TNS3: variants seen among roughly 807,000 people sequenced by gnomAD.
The protein encoded by TNS3 is tensin-3.
A neutral mutation model predicts 140.9 loss-of-function variants in TNS3; 45 were observed. That is an observed-to-expected ratio of 0.32 (90% confidence interval 0.25 to 0.41). The LOEUF is 0.41. TNS3 is among the 10% of genes least tolerant of loss of function. TNS3 has a pLI of 1.00. For missense variants in TNS3, 1,716 were observed against 1,906.7 expected (o/e 0.90, Z 1.86); for synonymous variants, 815 against 788.4 (o/e 1.03, Z -0.56).
intron 1 of TNS3, among the ~76,000 whole-genome samples, chr7:47,558,196 A>C (rs1288371243): frequency 6.6e-6 from 1 of 152,184 alleles, no homozygotes; most frequent in Non-Finnish European, 1.5e-5. Context: ...TAGGTTCCCA[A>C]CATAAAAGGA....
intron 1 of TNS3, among the ~76,000 whole-genome samples, chr7:47,540,653 G>C (rs1799759352): frequency 6.6e-6 from 1 of 152,246 alleles, no homozygotes; most frequent in Non-Finnish European, 1.5e-5. Flanking sequence ...GGGGCACGGA[G>C]TCCACAGATC....
chr7:47,519,669 C>A (rs1485626610), intron 2 of TNS3, among the ~76,000 whole-genome samples: 1 of 152,184 alleles, frequency 6.6e-6, no homozygotes, highest in Admixed American at 6.5e-5. Flanking sequence ...CTCCTAGACC[C>A]ATGCTAGCCA....
Position 47,457,056 on chromosome 7 carries a change from T to G in TNS3, c.-75-15001A>C, listed in dbSNP as rs191229899. ...TCTTTATAAATGTCTTTTAAAATATTCAGTGTGGGCTCAATTCTTCCCATA... is the reference window on the plus strand; with the variant it reads ...TCTTTATAAATGTCTTTTAAAATATGCAGTGTGGGCTCAATTCTTCCCATA... On this transcript the variant is annotated intron_variant, in intron 4 of 30. Transcript: ENST00000311160. Among the ~76,000 whole-genome samples, 434 of 147,708 alleles carry G rather than the reference T, an allele frequency of 2.9e-3. 4 individuals carry two copies. Among genetic ancestry groups the G allele is most frequent in the Non-Finnish European group, 2.0e-3 (132 of 67,188 alleles).
chr7:47,368,746 T>G lies in TNS3; in HGVS notation c.1900A>C (p.Thr634Pro). 1 of 1,580,540 alleles carries G rather than the reference T, an allele frequency of 6.3e-7. No homozygotes were observed. The highest frequency in any genetic ancestry group is 1.2e-5 in the South Asian group (1 of 85,494). ...GCCACCCTACTGCTGGTCCCTCGGGTGGGGGTGAGTGGCACTCTGGGCTGG... is the reference window on the plus strand; with the variant it reads ...GCCACCCTACTGCTGGTCCCTCGGGGGGGGGTGAGTGGCACTCTGGGCTGG... ...QAQPRVPLTP[T>P]RGTSSRVAVQ... is the part of the protein sequence containing the mutation. Residue 634 changes from threonine to proline, a missense_variant, in exon 17 of 31, where the codon ACC (threonine) becomes CCC (proline). Physicochemically the swap from Thr to Pro is conservative, Grantham distance 38. Transcript: ENST00000311160.
chr7:47,478,076 G>A (rs149008969), intron 4 of TNS3, among the ~76,000 whole-genome samples: 80 of 152,288 alleles, frequency 5.3e-4, no homozygotes, highest in African/African-American at 1.8e-3. Flanking sequence ...ACCACCACAC[G>A]GGGAGAGCAG....
rs76325732 is a variant in TNS3, at chr7:47,306,922, A to G, written c.2651-1919T>C. 8.7e-3 allele frequency among the ~76,000 whole-genome samples: 1,318 copies of G among 152,350 alleles called. 19 individuals carry two copies. The highest frequency in any genetic ancestry group is 0.029 in the African/African-American group (1,197 of 41,566). The stretch of plus-strand genomic sequence containing the variant: ...ATCAGCACACAAAATGTCTGGAGTT[A>G]TGCCTAAATTAACAACTATCCTAAG... On this transcript the variant is annotated intron_variant, in intron 20 of 30. Transcript: ENST00000311160.
intron 28 of TNS3, 64 bp downstream of exon 28, chr7:47,283,631 AAG>A (rs1207862411): frequency 7.0e-7 from 1 of 1,429,854 alleles, no homozygotes; most frequent in Non-Finnish European, 9.3e-7. Flanking sequence ...CACACTAGGG[AAG>A]AACAAGAGGA....
In TNS3 at chr7:47,428,311, C is replaced by A; in HGVS notation, c.389+1G>T. The A allele has an allele frequency of 6.9e-7, 1 of 1,441,854 alleles. No individual in the cohort carries two copies. The highest frequency in any genetic ancestry group is 1.6e-5 in the South Asian group (1 of 62,594). The allele number at this position is 1,441,854 out of a possible 1,614,324, so 89.3% of individuals were successfully genotyped here. A position where few individuals can be genotyped will look rare whatever the true frequency, so the allele number is the denominator to read the frequency against. Reference sequence around the variant, plus strand: ...ACAGCGAGCTGACATCTTCATCCTACCTGGCTGAGACGTTGGTGAAATGCA... The same window carrying A: ...ACAGCGAGCTGACATCTTCATCCTAACTGGCTGAGACGTTGGTGAAATGCA... On this transcript the variant is annotated splice_donor_variant, in intron 9 of 30. Transcript: ENST00000311160. LOFTEE classifies it high-confidence loss of function.
At chr7:47,384,870 C>T (rs753763778) in intron 16 of TNS3, among the ~76,000 whole-genome samples, 1 of 152,244 alleles carries the variant, frequency 6.6e-6, no homozygotes, top group African/African-American at 2.4e-5. Flanking sequence ...CGTCCATGCC[C>T]CTGCTGATGT....
chr7:47,507,866 G>T (rs148744322), intron 2 of TNS3, among the ~76,000 whole-genome samples: 228 of 152,314 alleles, frequency 1.5e-3, no homozygotes, highest in African/African-American at 5.1e-3. Flanking sequence ...TGTGGGAGGA[G>T]GGAAAGAGAC....
At chr7:47,401,901 C>T (rs543322110) in intron 13 of TNS3, among the ~76,000 whole-genome samples, 2 of 152,234 alleles carry the variant, frequency 1.3e-5, no homozygotes, top group Non-Finnish European at 2.9e-5. Context: ...CAGACCAAAT[C>T]GTGCACAGGC....
At chr7:47,368,290 G>C (rs1790822608) in intron 17 of TNS3, 75 bp downstream of exon 17, 1 of 1,362,650 alleles carries the variant, frequency 7.3e-7, no homozygotes, top group Non-Finnish European at 9.5e-7. Flanking sequence ...TAACCTACTA[G>C]GCTGATTTCT....
chr7:47,394,997 G>A (rs988661477), intron 16 of TNS3, among the ~76,000 whole-genome samples: 3 of 152,210 alleles, frequency 2.0e-5, no homozygotes, highest in African/African-American at 7.2e-5. Flanking sequence ...CCTCCACACT[G>A]TCCACCGGAC....
At chr7:47,380,539 G>A (rs1450865019) in intron 16 of TNS3, among the ~76,000 whole-genome samples, 2 of 152,200 alleles carry the variant, frequency 1.3e-5, no homozygotes, top group East Asian at 1.9e-4. Flanking sequence ...AGTCCTGAGC[G>A]ACATTCCTTC....
chr7:47,419,700 A>G (rs1794270393), intron 10 of TNS3, among the ~76,000 whole-genome samples: 2 of 152,204 alleles, frequency 1.3e-5, no homozygotes, highest in Non-Finnish European at 2.9e-5. Context: ...TCACCATTGT[A>G]GAACCTAAGA....
intron 20 of TNS3, among the ~76,000 whole-genome samples, chr7:47,320,946 A>T (rs1380479356): frequency 6.6e-6 from 1 of 152,178 alleles, no homozygotes; most frequent in African/African-American, 2.4e-5. Context: ...CCTGGCAAGC[A>T]CTCGAAAGAT....
intron 20 of TNS3, among the ~76,000 whole-genome samples, chr7:47,309,371 C>T (rs574696128): frequency 2.6e-5 from 4 of 151,658 alleles, no homozygotes; most frequent in African/African-American, 9.7e-5. Context: ...ATCCCCAAGA[C>T]TTAAGAGTAT....
At chr7:47,560,853 C>G (rs1800306660) in intron 1 of TNS3, among the ~76,000 whole-genome samples, 1 of 152,194 alleles carries the variant, frequency 6.6e-6, no homozygotes, top group African/African-American at 2.4e-5. Context: ...TAGAAACAGG[C>G]TGTAATCCCC....
chr7:47,371,923 G>A (rs1022230894), intron 16 of TNS3, among the ~76,000 whole-genome samples: 2 of 152,206 alleles, frequency 1.3e-5, no homozygotes, highest in African/African-American at 4.8e-5. Flanking sequence ...ATGAGGGTGT[G>A]GGTAGATGGT....
Sources: allele counts gnomAD v4.1 joint callset (sites outside exome capture counted in the v4.1 genomes callset), GRCh38; gene constraint gnomAD v4.1.1; transcripts MANE v1.5; gene names NCBI Gene and HGNC (gene_info 2026-07-23, HGNC 2026-07-21).